The following NRG3 variants were observed in gnomAD, a reference collection of about 807,000 sequenced individuals.
The protein encoded by NRG3 is pro-neuregulin-3, membrane-bound isoform.
Under a neutral mutation model 66.9 loss-of-function variants are expected in NRG3, and 31 were observed. That is an observed-to-expected ratio of 0.46 (90% CI 0.35 to 0.63). The LOEUF (loss-of-function observed/expected upper bound fraction) is 0.63, where lower values mean the gene tolerates loss of function less well. NRG3 is among the 20% of genes least tolerant of loss of function. The probability of loss-of-function intolerance (pLI) is 0.00; values close to 1 mark genes in which losing one functional copy is unlikely to be tolerated. For missense variants in NRG3, 910 were observed against 878.9 expected (o/e 1.04, Z -0.45); for synonymous variants, 393 against 359.4 (o/e 1.09, Z -1.06).
chr10:82,646,423 T>C (rs1253305400), intron 2 of NRG3, among the ~76,000 whole-genome samples: 2 of 152,216 alleles, frequency 1.3e-5, no homozygotes, highest in African/African-American at 2.4e-5. Context: ...TTAGGACTCA[T>C]GTAAAGTACA....
At chr10:82,540,657 G>A (rs1202066739) in intron 2 of NRG3, among the ~76,000 whole-genome samples, 1 of 152,112 alleles carries the variant, frequency 6.6e-6, no homozygotes, top group Non-Finnish European at 1.5e-5. Flanking sequence ...AGCAAGATGA[G>A]ATGGAAAAGT....
chr10:82,898,349 A>G (rs1843863701), intron 4 of NRG3, among the ~76,000 whole-genome samples: 1 of 152,168 alleles, frequency 6.6e-6, no homozygotes, highest in Non-Finnish European at 1.5e-5. Context: ...GGAGGCAAAT[A>G]TGTACCAAAT....
At chr10:82,789,310 C>A (rs148983699) in intron 3 of NRG3, among the ~76,000 whole-genome samples, 42 of 152,134 alleles carry the variant, frequency 2.8e-4, no homozygotes, top group African/African-American at 9.6e-4. Flanking sequence ...AATAGCTATT[C>A]AAATAATGTG....
intron 1 of NRG3, among the ~76,000 whole-genome samples, chr10:81,953,120 C>T (rs1422672590): frequency 1.3e-5 from 2 of 152,076 alleles, no homozygotes; most frequent in East Asian, 1.9e-4. Flanking sequence ...ACTGCCAGGT[C>T]ATTTCTCTCT....
intron 3 of NRG3, among the ~76,000 whole-genome samples, chr10:82,825,969 A>G (rs139028061): frequency 1.3e-5 from 2 of 152,164 alleles, no homozygotes; most frequent in Non-Finnish European, 2.9e-5. Context: ...GTGTGTCTAG[A>G]TGTTTACAGA....
chr10:82,777,973 A>AG (rs2059970315), intron 3 of NRG3, among the ~76,000 whole-genome samples: 1 of 152,216 alleles, frequency 6.6e-6, no homozygotes, highest in South Asian at 2.1e-4. Context: ...CAGGGAAGCA[A>AG]GGTGCTGAAG....
chr10:82,346,301 T>G (rs1257847899), intron 1 of NRG3, among the ~76,000 whole-genome samples: 3 of 149,888 alleles, frequency 2.0e-5, no homozygotes, highest in Non-Finnish European at 4.4e-5. Flanking sequence ...TCAAAGGCTT[T>G]TTCTGCATCT....
chr10:82,195,869 G>A (rs182728916), intron 1 of NRG3, among the ~76,000 whole-genome samples: 1 of 152,314 alleles, frequency 6.6e-6, no homozygotes, highest in Non-Finnish European at 1.5e-5. Context: ...AAGACAAAAG[G>A]TGGCTGCAGA....
At chr10:81,988,414 CAGATGGCTCTTAGTGGTGGT>C (rs1217860273) in intron 1 of NRG3, among the ~76,000 whole-genome samples, 2 of 152,306 alleles carry the variant, frequency 1.3e-5, no homozygotes, top group East Asian at 3.9e-4. Flanking sequence ...ATTAGAGGAA[CAGATGGCTCTTAGTGGTGGT>C]TTTTGTTGTT....
chr10:82,203,531 A>G (rs2074957551), intron 1 of NRG3, among the ~76,000 whole-genome samples: 1 of 152,172 alleles, frequency 6.6e-6, no homozygotes, highest in South Asian at 2.1e-4. Flanking sequence ...TGGTGAATTC[A>G]GCATAAAGAC....
At chr10:82,812,837 A>T (rs2061547000) in intron 3 of NRG3, among the ~76,000 whole-genome samples, 1 of 152,242 alleles carries the variant, frequency 6.6e-6, no homozygotes, top group African/African-American at 2.4e-5. Context: ...GTTTTATTCT[A>T]CATAGTACAA....
At chr10:82,306,847 T>G (rs7913539) in intron 1 of NRG3, among the ~76,000 whole-genome samples, 20,944 of 151,960 alleles carry the variant, frequency 0.14, 1,541 homozygotes, top group East Asian at 0.23. Context: ...TTTTGAATCT[T>G]CCCTTAGTGA....
intron 2 of NRG3, among the ~76,000 whole-genome samples, chr10:82,641,953 G>T (rs902468770): frequency 2.6e-5 from 4 of 152,106 alleles, no homozygotes; most frequent in Non-Finnish European, 5.9e-5. Flanking sequence ...TGTACACTAA[G>T]AAACTTCTTA....
chr10:82,706,359 T>A (rs994687058), intron 2 of NRG3, among the ~76,000 whole-genome samples: 1 of 152,190 alleles, frequency 6.6e-6, no homozygotes, highest in Non-Finnish European at 1.5e-5. Context: ...TTATATACGT[T>A]ATTTCCATGC....
At chr10:82,440,279 T>C (rs1260787937) in intron 2 of NRG3, among the ~76,000 whole-genome samples, 3 of 152,044 alleles carry the variant, frequency 2.0e-5, no homozygotes, top group South Asian at 2.1e-4. Context: ...GTGTACATAC[T>C]TACATCTCAT....
rs116883583 is a variant in NRG3 at position 82,790,720 on chromosome 10, T to C, written c.1027+52070T>C. 1.1e-3 allele frequency among the ~76,000 whole-genome samples: 171 copies of C among 152,192 alleles called. No homozygotes were observed. In the Middle Eastern group the frequency reaches 0.017, roughly 15 times the overall value. On this transcript the variant is annotated intron_variant, in intron 3 of 8. Coordinates refer to ENST00000372141, the MANE Select transcript of NRG3 (RefSeq NM_001010848.4). ...TTCCATTATGCATATGTCAGTGTGA[T>C]TGATGGTACCACATAGTCTTTTTGA...
At chr10:82,151,749 G>A (rs532451165) in intron 1 of NRG3, among the ~76,000 whole-genome samples, 8 of 152,226 alleles carry the variant, frequency 5.3e-5, no homozygotes, top group Admixed American at 2.6e-4. Context: ...GTTCTGTGTG[G>A]TCTTTATTGA....
chr10:82,877,024 GA>G (rs763600557), intron 4 of NRG3, among the ~76,000 whole-genome samples: 2,449 of 94,190 alleles, frequency 0.026, 44 homozygotes, highest in African/African-American at 0.071. Flanking sequence ...ACTCTGCCAA[GA>G]AAAAAAAAAA....
chr10:82,582,291 G>A (rs1019383747), intron 2 of NRG3, among the ~76,000 whole-genome samples: 2 of 152,072 alleles, frequency 1.3e-5, no homozygotes, highest in African/African-American at 4.8e-5. Context: ...TAAAATGGGA[G>A]GTAAGGATAC....
Sources: gnomAD v4.1 joint callset for allele counts (sites outside exome capture counted in the v4.1 genomes callset) on GRCh38, gnomAD v4.1.1 for gene constraint, MANE v1.5 for transcripts, NCBI Gene and HGNC (gene_info 2026-07-23, HGNC 2026-07-21) for gene names.